The following PMS2 variants were observed in gnomAD, a reference collection of about 807,000 sequenced individuals.
PMS2 encodes PMS1 homolog 2, mismatch repair system component, also known as mismatch repair endonuclease PMS2.
In PMS2, 69 loss-of-function variants were observed where a neutral mutation model predicts 90.0. That is an observed-to-expected ratio of 0.77 (90% CI 0.63 to 0.94). The LOEUF (loss-of-function observed/expected upper bound fraction) is 0.94. Among genes scored for constraint, PMS2 ranks in the 40% least tolerant of loss-of-function variants. PMS2 has a pLI of 0.00. For synonymous variants in PMS2, 332 were observed against 375.1 expected (o/e 0.89, Z 1.33); for missense variants, 966 against 1,040.2 (o/e 0.93, Z 0.98).
chr7:6,008,596 A>G (rs1786158081), intron 1 of PMS2, among the ~76,000 whole-genome samples: 1 of 152,142 alleles, frequency 6.6e-6, no homozygotes, highest in Non-Finnish European at 1.5e-5. Context: ...ACAAAAAAAA[A>G]TTAAAAATAA....
At position 5,973,279 on chromosome 7, in the gene PMS2, G is replaced by A. The variant is rs1781465198; in HGVS notation, c.*120C>T. 10 of 1,127,518 alleles carry A rather than the reference G, an allele frequency of 8.9e-6. No homozygotes were observed. The highest frequency in any genetic ancestry group is 1.3e-5 in the Non-Finnish European group (10 of 770,146). The allele number at this position is 1,127,518 out of a possible 1,614,324, so 69.8% of individuals were successfully genotyped here. ...TTCTCAAGATCACTTTTAAATGGGT[G>A]TGATGTGTATTTTTTTTAAGTAGCA... is the stretch of plus-strand genomic sequence containing the variant. On this transcript the variant is annotated 3_prime_UTR_variant, in exon 15 of 15. Coordinates refer to ENST00000265849, the MANE Select transcript of PMS2 (RefSeq NM_000535.7).
At position 5,986,882 on chromosome 7, in the gene PMS2, C is replaced by G. The variant is rs587780044; in HGVS notation, c.1883G>C (p.Arg628Pro). ...TGCTTCATGATGTAACTGCTTTATTCGTTTAGCTAAAGAACTCATAGAAAA... is the reference window on the plus strand; with the variant it reads ...TGCTTCATGATGTAACTGCTTTATTGGTTTAGCTAAAGAACTCATAGAAAA... ...LDFSMSSLAK[R>P]IKQLHHEAQQ... Residue 628 changes from arginine to proline, a missense_variant, in exon 11 of 15, where the codon CGA becomes CCA. Transcript: ENST00000265849. 3.7e-6 allele frequency: 6 copies of G among 1,614,050 alleles called. No homozygotes were observed. Among genetic ancestry groups the G allele is most frequent in the Non-Finnish European group, 5.1e-6 (6 of 1,180,014 alleles).
Position 5,980,846 on chromosome 7 carries a change from T to C in PMS2, c.2174+1978A>G, listed in dbSNP as rs1782209246. 6.0e-5 allele frequency among the ~76,000 whole-genome samples: 9 copies of C among 149,690 alleles called. No individual in the cohort carries two copies. In the South Asian group the frequency reaches 1.7e-3, roughly 29 times the overall value. ...CTAAATGTCTATTATTACCATTGCCTCCTACTGAGAATAAAAACAATTCAC... is the reference window on the plus strand; with the variant it reads ...CTAAATGTCTATTATTACCATTGCCCCCTACTGAGAATAAAAACAATTCAC... On this transcript the variant is annotated intron_variant, in intron 12 of 14. Transcript: ENST00000265849.
rs1404301908 is a variant in PMS2 at position 5,977,763 on chromosome 7, A to G, written c.2276-6T>C. ...AGCCCTTTCAGTGACTGGAGCTAAAAGAATACAATTTTGAGAAAAATCCAT... is the reference window on the plus strand; with the variant it reads ...AGCCCTTTCAGTGACTGGAGCTAAAGGAATACAATTTTGAGAAAAATCCAT... On this transcript the variant is annotated splice_polypyrimidine_tract_variant and splice_region_variant and intron_variant, in intron 13 of 14. Coordinates refer to ENST00000265849, the MANE Select transcript of PMS2 (RefSeq NM_000535.7). The G allele has an allele frequency of 1.9e-6, 3 of 1,603,424 alleles. No individual in the cohort carries two copies. The highest frequency in any genetic ancestry group is 1.7e-6 in the Non-Finnish European group (2 of 1,172,304).
rs1060503129 is a variant in PMS2, at chr7:5,997,338, T to C, written c.791A>G (p.His264Arg). The C allele has an allele frequency of 5.2e-6, 8 of 1,545,424 alleles. No individual in the cohort carries two copies. The highest frequency in any genetic ancestry group is 1.1e-5 in the South Asian group (1 of 89,520). The change falls in exon 7 of 15, where the codon CAT becomes CGT. Residue 264 changes from histidine to arginine, a missense_variant. Coordinates refer to ENST00000265849, the MANE Select transcript of PMS2 (RefSeq NM_000535.7). ...EYGLSCSDAL[H>R]NLFYISGFIS... Reference sequence around the variant, plus strand: ...GCAATCTACTTACTAAAAAAGATTATGCAGAGCATCGGAACAGCTCAAACC... The same window carrying C: ...GCAATCTACTTACTAAAAAAGATTACGCAGAGCATCGGAACAGCTCAAACC...
At position 5,988,094 on chromosome 7, in the gene PMS2, A is replaced by G. The variant is rs188869861; in HGVS notation, c.1145-474T>C. On this transcript the variant is annotated intron_variant, in intron 10 of 14. Transcript: ENST00000265849. ...AAAAAAAAAACCACAACACAATGCA[A>G]TATGGCCATATACTCACCAGAATGG... is the stretch of plus-strand genomic sequence containing the variant. Among the ~76,000 whole-genome samples the G allele has an allele frequency of 9.3e-5, 14 of 151,292 alleles. 1 individual carries two copies. The East Asian group carries it at 2.7e-3, about 29-fold the overall frequency.
chr7:5,991,091 A>C (rs55842018), intron 9 of PMS2, among the ~76,000 whole-genome samples: 3 of 152,134 alleles, frequency 2.0e-5, no homozygotes, highest in African/African-American at 7.2e-5. Flanking sequence ...AAAACTAAAA[A>C]CAATTTAATT....
rs775948975 is a variant in PMS2, at chr7:5,999,256, T to C, written c.557A>G (p.Gln186Arg). The change falls in exon 6 of 15, where the codon CAG (glutamine) becomes CGG (arginine). Residue 186 changes from glutamine (Q) to arginine (R), a missense_variant. This residue lies in a region of PMS2 where 871 missense variants were observed against 802.4 expected (regional missense o/e 1.09). Transcript: ENST00000265849. The stretch of plus-strand genomic sequence containing the variant: ...AATGATACAGTATGCATGTAAGACC[T>C]GGACCATTTTGGCATACTCCTGTTT... ...NIKKEYAKMV[Q>R]VLHAYCIISA... 5 of 1,613,908 alleles carry C rather than the reference T, an allele frequency of 3.1e-6. No individual in the cohort carries two copies. Among genetic ancestry groups the C allele is most frequent in the South Asian group, 2.2e-5 (2 of 91,082 alleles).
chr7:5,986,423 G>T (rs1287489448), intron 11 of PMS2, among the ~76,000 whole-genome samples: 2 of 151,792 alleles, frequency 1.3e-5, no homozygotes, highest in Non-Finnish European at 2.9e-5. Flanking sequence ...CGGGTGTGGT[G>T]GCTCACACCT....
At chr7:6,000,214 A>G (rs757033082) in intron 5 of PMS2, among the ~76,000 whole-genome samples, 3 of 151,774 alleles carry the variant, frequency 2.0e-5, no homozygotes, top group Non-Finnish European at 4.4e-5. Context: ...TCTCTACAAA[A>G]AAAACAAAAA....
chr7:5,998,623 G>T (rs1328645215), intron 6 of PMS2, among the ~76,000 whole-genome samples: 4 of 151,436 alleles, frequency 2.6e-5, no homozygotes, highest in Admixed American at 6.6e-5. Flanking sequence ...CAACGCGGGA[G>T]GCAGAGGTTG....
rs753856135 is a variant in PMS2 at position 5,987,250 on chromosome 7, C to T, written c.1515G>A (p.Gly505=). 1.2e-6 allele frequency: 2 copies of T among 1,614,132 alleles called. No homozygotes were observed. Among genetic ancestry groups the T allele is most frequent in the Admixed American group, 3.3e-5 (2 of 60,006 alleles). ...GHGSTSVDSE[G]FSIPDTGSHC... Reference sequence around the variant, plus strand: ...GACTGCCCGTGTCTGGGATGCTGAACCCCTCAGAATCCACGGAAGTGCTGC... The same window carrying T: ...GACTGCCCGTGTCTGGGATGCTGAATCCCTCAGAATCCACGGAAGTGCTGC... The change falls in exon 11 of 15, where the codon GGG becomes GGA. Residue 505 remains glycine (G), a synonymous_variant. Transcript: ENST00000265849.
intron 9 of PMS2, among the ~76,000 whole-genome samples, chr7:5,990,527 A>G (rs1396740488): frequency 6.6e-6 from 1 of 152,230 alleles, no homozygotes; most frequent in African/African-American, 2.4e-5. Context: ...ACACATAAAA[A>G]TAATTTTAAA....
rs374690066 is a variant in PMS2 at position 5,996,638 on chromosome 7, C to T, written c.803+688G>A. Among the ~76,000 whole-genome samples the T allele has an allele frequency of 1.2e-4, 18 of 145,814 alleles. 1 individual carries two copies. The East Asian group carries it at 3.6e-3, about 30-fold the overall frequency. On this transcript the variant is annotated intron_variant, in intron 7 of 14. Transcript: ENST00000265849. ...ACACACAGATAGATAGATATCTTTACAGGACCAATCCTATTTATGGAAGTG... is the reference window on the plus strand; with the variant it reads ...ACACACAGATAGATAGATATCTTTATAGGACCAATCCTATTTATGGAAGTG...
chr7:5,997,149 G>C (rs1379907254), intron 7 of PMS2, among the ~76,000 whole-genome samples, 177 bp downstream of exon 7: 1 of 151,804 alleles, frequency 6.6e-6, no homozygotes, highest in African/African-American at 2.4e-5. Context: ...AGGAGGTAGA[G>C]GTTGCAGTGA....
At position 5,995,673 on chromosome 7, in the gene PMS2, G is replaced by A. The variant is rs374073876; in HGVS notation, c.804-40C>T. On this transcript the variant is annotated intron_variant, in intron 7 of 14. Coordinates refer to ENST00000265849, the MANE Select transcript of PMS2 (RefSeq NM_000535.7). Reference sequence around the variant, plus strand: ...TATGGTAAGGGCAGGATTCCAGAGTGAAAGGGATTAGAAATACGATCACAT... The same window carrying A: ...TATGGTAAGGGCAGGATTCCAGAGTAAAAGGGATTAGAAATACGATCACAT... 5 of 1,339,234 alleles carry A rather than the reference G, an allele frequency of 3.7e-6. No homozygotes were observed. The African/African-American group carries it at 4.3e-5, about 12-fold the overall frequency. The allele number at this position is 1,339,234 out of a possible 1,614,324, so 83.0% of individuals were successfully genotyped here.
At position 5,982,889 on chromosome 7, in the gene PMS2, C is replaced by G. The variant is rs775355718; in HGVS notation, c.2109G>C (p.Thr703=). The G allele has an allele frequency of 5.6e-6, 9 of 1,603,380 alleles. No homozygotes were observed. Among genetic ancestry groups the G allele is most frequent in the Non-Finnish European group, 6.8e-6 (8 of 1,174,434 alleles). The change falls in exon 12 of 15, where the codon ACG becomes ACC. Residue 703 remains threonine (T), a synonymous_variant. Coordinates refer to ENST00000265849, the MANE Select transcript of PMS2 (RefSeq NM_000535.7). ...GCATCTCGAAGTTATACTTCTCGTC[C>G]GTGGCATGCTGGTCCACTATGAAGA... ...EDIFIVDQHA[T]DEKYNFEMLQ... is the part of the protein sequence containing the mutation.
chr7:5,999,971 G>C (rs1024009202), intron 5 of PMS2, among the ~76,000 whole-genome samples: 1 of 152,098 alleles, frequency 6.6e-6, no homozygotes, highest in African/African-American at 2.4e-5. Flanking sequence ...ACCTAAGCAA[G>C]CATCATTGAG....
chr7:5,997,241 A>G, intron 7 of PMS2, 85 bp downstream of exon 7: 1 of 737,826 alleles, frequency 1.4e-6, no homozygotes, highest in East Asian at 2.6e-5. Flanking sequence ...ACACGAAACT[A>G]TTAGCCTTAG....
Sources: allele counts gnomAD v4.1 joint callset (sites outside exome capture counted in the v4.1 genomes callset), GRCh38; gene constraint gnomAD v4.1.1; regional missense constraint gnomAD v4.1.1; transcripts MANE v1.5; gene names NCBI Gene and HGNC (gene_info 2026-07-23, HGNC 2026-07-21).